Variants in FAM234A observed in about 807,000 individuals in gnomAD.
FAM234A encodes the protein family with sequence similarity 234 member A.
In FAM234A, 42 loss-of-function variants were observed where a neutral mutation model predicts 49.1. The ratio of observed to expected loss-of-function variants is 0.86; its 90% confidence interval spans 0.67 to 1.11. The LOEUF is 1.11. Ranked by LOEUF, FAM234A falls within the 50% of genes least tolerant of loss-of-function variation. The probability of loss-of-function intolerance (pLI) is 0.00; values close to 1 mark genes in which losing one functional copy is unlikely to be tolerated. For synonymous variants in FAM234A, 369 were observed against 316.2 expected (o/e 1.17, Z -1.77); for missense variants, 815 against 745.2 (o/e 1.09, Z -1.09).
intron 2 of FAM234A, among the ~76,000 whole-genome samples, chr16:251,369 G>GT (rs555351523): frequency 1.1e-3 from 166 of 151,096 alleles, no homozygotes; most frequent in Admixed American, 2.8e-3. Context: ...CTGCAGTAGG[G>GT]TTTTTTTTTG....
At chr16:238,221 G>T (rs930500929) in intron 1 of FAM234A, among the ~76,000 whole-genome samples, 1 of 152,128 alleles carries the variant, frequency 6.6e-6, no homozygotes, top group Non-Finnish European at 1.5e-5. Context: ...GTTTCGCCAT[G>T]TTGGCCAGGC....
At chr16:256,651 AC>A (rs2051245088) in intron 3 of FAM234A, among the ~76,000 whole-genome samples, 1 of 151,758 alleles carries the variant, frequency 6.6e-6, no homozygotes, top group African/African-American at 2.4e-5. Flanking sequence ...GCTCACTGCA[AC>A]CTCTGCCTCC....
chr16:254,408 C>T lies in FAM234A; in HGVS notation c.-6C>T, dbSNP rs1260139365. 6.2e-7 allele frequency: 1 copy of T among 1,613,452 alleles called. No individual in the cohort carries two copies. The highest frequency in any genetic ancestry group is 2.2e-5 in the East Asian group (1 of 44,874). On this transcript the variant is annotated 5_prime_UTR_variant, in exon 3 of 13. Transcript: ENST00000399932. ...ACCAGGAGTTAAACTTTGGGATGTG[C>T]CCGTGATGTTGGACCACAAGGACTT...
intron 1 of FAM234A, among the ~76,000 whole-genome samples, chr16:246,317 C>T (rs1474886381): frequency 6.8e-6 from 1 of 146,454 alleles, no homozygotes; most frequent in Non-Finnish European, 1.5e-5. Context: ...GTCTCACTCT[C>T]ACCCAGGCTG....
At chr16:269,200 G>A (rs1414428903), downstream of FAM234A, 16 of 1,203,140 alleles carry the variant, frequency 1.3e-5, no homozygotes, top group Admixed American at 9.9e-5. Flanking sequence ...GGGCCAAGAC[G>A]GGGGTGGCTG....
intron 5 of FAM234A, 99 bp downstream of exon 5, chr16:260,259 T>C: frequency 8.8e-7 from 1 of 1,140,392 alleles, no homozygotes; most frequent in African/African-American, 1.5e-5. Flanking sequence ...GGCTCAGCCC[T>C]GTGATCTTGA....
At chr16:268,769 C>G, downstream of FAM234A, 1 of 1,549,526 alleles carries the variant, frequency 6.5e-7, no homozygotes, top group African/African-American at 1.4e-5. Context: ...CTTGGGTCCT[C>G]TTCCAGGCTC....
At position 264,090 on chromosome 16, in the gene FAM234A, G is replaced by T. The variant is rs192659169; in HGVS notation, c.1263G>T (p.Leu421=). 1 of 1,612,442 alleles carries T rather than the reference G, an allele frequency of 6.2e-7. No individual in the cohort carries two copies. Among genetic ancestry groups the T allele is most frequent in the Non-Finnish European group, 8.5e-7 (1 of 1,179,942 alleles). ...LALPSLPGGP[L]SASLPTADHR... Reference sequence around the variant, plus strand: ...TCCCGAGCCTCCCTGGGGGTCCACTGTCCGCCAGCCTGCCGACCGCAGACC... The same window carrying T: ...TCCCGAGCCTCCCTGGGGGTCCACTTTCCGCCAGCCTGCCGACCGCAGACC... Residue 421 remains leucine, a synonymous_variant, in exon 11 of 13, where the codon CTG becomes CTT. Transcript: ENST00000399932.
At chr16:256,277 G>A (rs1446662827) in intron 3 of FAM234A, among the ~76,000 whole-genome samples, 1 of 152,226 alleles carries the variant, frequency 6.6e-6, no homozygotes, top group Non-Finnish European at 1.5e-5. Context: ...CTGAGGAGCT[G>A]ACAAGCTGTT....
chr16:259,864 T>C (rs996331964), intron 4 of FAM234A, 105 bp from the exon 5 acceptor site: 9 of 1,041,560 alleles, frequency 8.6e-6, no homozygotes, highest in Admixed American at 7.9e-5. Context: ...GGCTGTGGCC[T>C]AGGAGAGGTG....
chr16:265,978 G>GTGC lies in FAM234A; in HGVS notation c.*958_*960dup. On this transcript the variant is annotated 3_prime_UTR_variant, in exon 13 of 13. Coordinates refer to ENST00000399932, the MANE Select transcript of FAM234A (RefSeq NM_032039.4). ...CTCCTGAGGCCCAAGGGCAGCCATG[G>GTGC]TGCTCTGTACTGCTCGGGCCGCCCA... 1 of 985,996 alleles carries GTGC rather than the reference G, an allele frequency of 1.0e-6. No individual in the cohort carries two copies. The highest frequency in any genetic ancestry group is 1.2e-6 in the Non-Finnish European group (1 of 830,048). The allele number at this position is 985,996 out of a possible 1,614,324, so 61.1% of individuals were successfully genotyped here.
chr16:254,057 C>T (rs2051127547), intron 2 of FAM234A: 2 of 291,114 alleles, frequency 6.9e-6, no homozygotes, highest in South Asian at 3.6e-5. Context: ...GTAGGTGGGG[C>T]TTAGTTAACA....
Position 260,108 on chromosome 16 carries a change from C to G in FAM234A, c.525C>G (p.Ala175=). The G allele has an allele frequency of 6.2e-7, 1 of 1,613,972 alleles. No individual in the cohort carries two copies. The highest frequency in any genetic ancestry group is 1.1e-5 in the South Asian group (1 of 91,084). ...CAAGAGGCAGTGAGGCACCTTCTGC[C>G]TGCATCCTGGTGGGCAGACCCAGTT... The part of the protein sequence containing the change: ...PQPRGSEAPS[A]CILVGRPSSF... Residue 175 remains alanine (A), a synonymous_variant, in exon 5 of 13, where the codon GCC becomes GCG. Coordinates refer to ENST00000399932, the MANE Select transcript of FAM234A (RefSeq NM_032039.4).
intron 3 of FAM234A, among the ~76,000 whole-genome samples, chr16:256,561 T>TTTTA (rs1205977592): frequency 5.1e-4 from 77 of 151,876 alleles, no homozygotes; most frequent in African/African-American, 1.4e-3. Flanking sequence ...AATAATTTAT[T>TTTTA]TTTATTTATT....
Position 265,281 on chromosome 16 carries a change from G to A in FAM234A, c.*259G>A. The A allele has an allele frequency of 2.3e-6, 3 of 1,301,208 alleles. No individual in the cohort carries two copies. Among genetic ancestry groups the A allele is most frequent in the South Asian group, 2.2e-5 (1 of 45,420 alleles). The allele number at this position is 1,301,208 out of a possible 1,614,324, so 80.6% of individuals were successfully genotyped here. On this transcript the variant is annotated 3_prime_UTR_variant, in exon 13 of 13. Transcript: ENST00000399932. ...AGGGCCTCACTCTGCACCCCACCAG[G>A]GTCCCGCTCACACCAGGCAGCCTTC...
At chr16:258,743 G>A (rs941477341) in intron 3 of FAM234A, among the ~76,000 whole-genome samples, 4 of 152,168 alleles carry the variant, frequency 2.6e-5, no homozygotes, top group African/African-American at 4.8e-5. Context: ...GGGCAGAGGC[G>A]CCCCTCACCT....
At chr16:263,565 CGTCGGCTCCGT>C (rs1252838968) in intron 9 of FAM234A, 124 bp from the exon 10 acceptor site, 16 of 1,258,110 alleles carry the variant, frequency 1.3e-5, no homozygotes, top group Non-Finnish European at 1.1e-6. Context: ...TTGCCCCAGA[CGTCGGCTCCGT>C]GTCCTGGGCC....
At chr16:261,943 A>G (rs2051484003) in intron 6 of FAM234A, 150 bp from the exon 7 acceptor site, 6 of 1,073,842 alleles carry the variant, frequency 5.6e-6, no homozygotes, top group Non-Finnish European at 8.0e-6. Context: ...CTCCCATTGT[A>G]GAGTGCCCCG....
intron 1 of FAM234A, among the ~76,000 whole-genome samples, chr16:235,473 C>T (rs2050367051): frequency 1.3e-5 from 2 of 152,142 alleles, no homozygotes; most frequent in South Asian, 4.1e-4. Context: ...GCGTTCCTGG[C>T]TCTCCCCTAC....
Sources: gnomAD v4.1 joint callset for allele counts (sites outside exome capture counted in the v4.1 genomes callset) on GRCh38, gnomAD v4.1.1 for gene constraint, MANE v1.5 for transcripts, NCBI Gene and HGNC (gene_info 2026-07-23, HGNC 2026-07-21) for gene names.